DSCAML1: variants seen among roughly 807,000 people sequenced by gnomAD.
The protein encoded by DSCAML1 is cell adhesion molecule DSCAML1.
Under a neutral mutation model 200.5 loss-of-function variants are expected in DSCAML1, and 38 were observed. That is an observed-to-expected ratio of 0.19 (90% confidence interval 0.15 to 0.25). DSCAML1 has a LOEUF of 0.25. DSCAML1 is among the 10% of genes least tolerant of loss of function. The pLI is 1.00. For missense variants in DSCAML1, 2,223 were observed against 2,858.8 expected, an observed-to-expected ratio of 0.78 and a Z score of 5.07; for synonymous variants, 1,215 against 1,165.0, an observed-to-expected ratio of 1.04 and a Z score of -0.87.
intron 3 of DSCAML1, among the ~76,000 whole-genome samples, chr11:117,586,333 C>A (rs553060015): frequency 6.6e-6 from 1 of 152,206 alleles, no homozygotes; most frequent in Non-Finnish European, 1.5e-5. Flanking sequence ...GCCTCCAAGG[C>A]GCATGTAACA....
intron 23 of DSCAML1, 32 bp downstream of exon 23, chr11:117,439,234 C>A: frequency 6.2e-7 from 1 of 1,611,472 alleles, no homozygotes; most frequent in South Asian, 1.1e-5. Context: ...TCCCTGTCCC[C>A]ACCTGGGGTC....
At chr11:117,431,408 A>T in intron 31 of DSCAML1, 126 bp downstream of exon 31, 1 of 889,372 alleles carries the variant, frequency 1.1e-6, no homozygotes, top group Non-Finnish European at 1.6e-6. Flanking sequence ...CCAGCTAGAC[A>T]TGAAACTGAC....
chr11:117,810,243 A>ACTC (rs1358719462), intron 1 of DSCAML1, among the ~76,000 whole-genome samples: 37 of 150,174 alleles, frequency 2.5e-4, no homozygotes, highest in Middle Eastern at 3.4e-3. Context: ...CGTGGACCCA[A>ACTC]AACTCCGTGG....
chr11:117,789,405 T>C (rs538748995), intron 1 of DSCAML1, among the ~76,000 whole-genome samples: 2 of 152,254 alleles, frequency 1.3e-5, no homozygotes, highest in South Asian at 4.1e-4. Flanking sequence ...TAGATTTAGA[T>C]TGTTAATGCT....
intron 3 of DSCAML1, among the ~76,000 whole-genome samples, chr11:117,723,143 T>G (rs78437760): frequency 0.015 from 2,306 of 152,346 alleles, 21 homozygotes; most frequent in East Asian, 0.04. Flanking sequence ...TGGTAAGTGC[T>G]GTAGTATGTT....
chr11:117,674,772 C>A (rs1214439039), intron 3 of DSCAML1, among the ~76,000 whole-genome samples: 1 of 152,080 alleles, frequency 6.6e-6, no homozygotes, highest in African/African-American at 2.4e-5. Context: ...TAAATCTCTG[C>A]TTGTGTGTTC....
chr11:117,445,711 T>C (rs1194336233), intron 20 of DSCAML1, among the ~76,000 whole-genome samples: 2 of 152,206 alleles, frequency 1.3e-5, no homozygotes, highest in African/African-American at 4.8e-5. Context: ...GGAGAACAGC[T>C]GAGTGTATGT....
chr11:117,599,372 A>C (rs1240437626), intron 3 of DSCAML1, among the ~76,000 whole-genome samples: 1 of 152,200 alleles, frequency 6.6e-6, no homozygotes, highest in Non-Finnish European at 1.5e-5. Flanking sequence ...TCTCCTAATC[A>C]TAGTTTTCAG....
chr11:117,807,766 A>C (rs566939505), intron 1 of DSCAML1, among the ~76,000 whole-genome samples: 58 of 152,332 alleles, frequency 3.8e-4, no homozygotes, highest in African/African-American at 1.2e-3. Context: ...ACTTGGAAGA[A>C]GTGGAAGAAA....
chr11:117,475,788 TC>T (rs2048779141), intron 14 of DSCAML1, among the ~76,000 whole-genome samples: 2 of 151,656 alleles, frequency 1.3e-5, no homozygotes, highest in Non-Finnish European at 2.9e-5. Flanking sequence ...GGAGAACAAC[TC>T]CTTTTTTTCT....
chr11:117,523,928 G>A (rs531222346), intron 5 of DSCAML1, among the ~76,000 whole-genome samples: 3 of 152,228 alleles, frequency 2.0e-5, no homozygotes, highest in African/African-American at 4.8e-5. Context: ...CCCCACTGCA[G>A]CCTAGAGAGC....
At position 117,643,483 on chromosome 11, in the gene DSCAML1, G is replaced by T. The variant is rs542365871; in HGVS notation, c.512-110961C>A. ...TGACCCTTCAAAGAATTCTGCAAAT[G>T]TACCTTTTATTTTAATTTTTCTGGA... On this transcript the variant is annotated intron_variant, in intron 3 of 32. Transcript: ENST00000651296. Among the ~76,000 whole-genome samples, 6 of 152,294 alleles carry T rather than the reference G, an allele frequency of 3.9e-5. 1 individual carries two copies. The South Asian group carries it at 1.2e-3, about 32-fold the overall frequency.
chr11:117,780,290 A>AAGAAAGAAAG lies in DSCAML1; in HGVS notation c.364+193_364+202dup, dbSNP rs1555032771. Among the ~76,000 whole-genome samples the AAGAAAGAAAG allele has an allele frequency of 1.0e-5, 1 of 100,128 alleles. No individual in the cohort carries two copies. The highest frequency in any genetic ancestry group is 3.6e-4 in the South Asian group (1 of 2,768). The allele number at this position is 100,128 out of a possible 152,430, so 65.7% of individuals were successfully genotyped here. On this transcript the variant is annotated intron_variant, in intron 2 of 32. Coordinates refer to ENST00000651296, the MANE Select transcript of DSCAML1 (RefSeq NM_020693.4). This position sits in a 1 kb window ranked among gnomAD's most constrained non-coding sequence, Gnocchi z 4.8. ...AAAGAAAGAAAGAAAGAAAGAAAGA[A>AAGAAAGAAAG]AGAAAGAAAGAAAGAGAGAAAGGAG...
At chr11:117,605,337 G>A (rs1004257566) in intron 3 of DSCAML1, among the ~76,000 whole-genome samples, 31 of 152,094 alleles carry the variant, frequency 2.0e-4, no homozygotes, top group African/African-American at 7.2e-4. Context: ...CACCTCCTGA[G>A]CTTGGCTCCA....
At chr11:117,653,829 G>A (rs1261461246) in intron 3 of DSCAML1, among the ~76,000 whole-genome samples, 10 of 152,190 alleles carry the variant, frequency 6.6e-5, no homozygotes, top group Admixed American at 1.3e-4. Context: ...TGGTGAATGT[G>A]GTGCAGCTGG....
intron 3 of DSCAML1, among the ~76,000 whole-genome samples, chr11:117,607,799 C>A (rs570031257): frequency 6.6e-6 from 1 of 152,176 alleles, no homozygotes; most frequent in Non-Finnish European, 1.5e-5. Flanking sequence ...CCCAACGCCA[C>A]GGGGATGGAT....
intron 3 of DSCAML1, among the ~76,000 whole-genome samples, chr11:117,571,673 C>G (rs2017098): frequency 0.42 from 63,506 of 151,990 alleles, 13,427 homozygotes; most frequent in Middle Eastern, 0.47. Flanking sequence ...GTCCTCCCCC[C>G]ACCTACAGGT....
At chr11:117,445,827 G>A (rs1463049062) in intron 20 of DSCAML1, among the ~76,000 whole-genome samples, 1 of 152,068 alleles carries the variant, frequency 6.6e-6, no homozygotes, top group East Asian at 1.9e-4. Flanking sequence ...CCAGATACTG[G>A]GCGCTTTCCT....
chr11:117,757,598 A>C (rs949046689), intron 3 of DSCAML1, among the ~76,000 whole-genome samples: 1 of 151,486 alleles, frequency 6.6e-6, no homozygotes, highest in Non-Finnish European at 1.5e-5. Context: ...ACACACACAC[A>C]CACACACACA....
Sources: allele counts gnomAD v4.1 joint callset (sites outside exome capture counted in the v4.1 genomes callset), GRCh38; gene constraint gnomAD v4.1.1; non-coding constraint Gnocchi (gnomAD v3.1); transcripts MANE v1.5; gene names NCBI Gene and HGNC (gene_info 2026-07-23, HGNC 2026-07-21).